Variants in SLC14A2 observed in about 807,000 individuals in gnomAD.
SLC14A2 encodes the protein solute carrier family 14 member 2.
A neutral mutation model predicts 104.6 loss-of-function variants in SLC14A2; 91 were observed. The observed-to-expected ratio is 0.87, with a 90% CI of 0.73 to 1.04. The LOEUF (loss-of-function observed/expected upper bound fraction) is 1.04. Ranked by LOEUF, SLC14A2 falls within the 50% of genes least tolerant of loss-of-function variation. SLC14A2 has a pLI of 0.00. For synonymous variants in SLC14A2, 476 were observed against 466.4 expected (o/e 1.02, Z -0.27); for missense variants, 1,189 against 1,156.0 (o/e 1.03, Z -0.41).
rs1333246508 is a variant in SLC14A2 at position 45,543,530 on chromosome 18, T to C, written c.-35+60208T>C. 4.6e-5 allele frequency among the ~76,000 whole-genome samples: 7 copies of C among 152,198 alleles called. No homozygotes were observed. The South Asian group carries it at 1.0e-3, about 23-fold the overall frequency. On this transcript the variant is annotated intron_variant, in intron 2 of 20. Transcript: ENST00000586448. ...ACCACCAGTGGTATAAGTTTGTCCT[T>C]TGGAAAGTACTGGACTAATGACCTC...
At chr18:45,419,245 C>G (rs532690348) in intron 1 of SLC14A2, among the ~76,000 whole-genome samples, 1 of 152,150 alleles carries the variant, frequency 6.6e-6, no homozygotes, top group African/African-American at 2.4e-5. Flanking sequence ...GTGCCGGGAA[C>G]CCAGGGTTCC....
the SLC14A2 span, among the ~76,000 whole-genome samples, chr18:45,196,510 C>A: frequency 6.6e-6 from 1 of 152,210 alleles, no homozygotes; most frequent in African/African-American, 2.4e-5. Context: ...TGCTGAGGTT[C>A]TTTCTCTAAG....
chr18:45,350,684 G>A (rs937452951), intron 1 of SLC14A2, among the ~76,000 whole-genome samples: 9 of 151,518 alleles, frequency 5.9e-5, no homozygotes, highest in African/African-American at 2.2e-4. Context: ...TTCATCTTTT[G>A]ATTTCTGCCT....
chr18:45,319,631 C>T (rs1028143033), intron 1 of SLC14A2, among the ~76,000 whole-genome samples: 7 of 152,206 alleles, frequency 4.6e-5, no homozygotes, highest in African/African-American at 1.4e-4. Flanking sequence ...ACAGTCTGGG[C>T]TTCTGAAGAC....
At chr18:45,608,004 T>C (rs2044898566) in intron 2 of SLC14A2, among the ~76,000 whole-genome samples, 1 of 152,272 alleles carries the variant, frequency 6.6e-6, no homozygotes. Context: ...CTCCATTCTC[T>C]ACTCCTACCC....
chr18:45,249,995 T>C (rs374142956), intron 1 of SLC14A2, among the ~76,000 whole-genome samples: 77 of 152,156 alleles, frequency 5.1e-4, no homozygotes, highest in African/African-American at 1.8e-3. Context: ...ATCAGAGTCA[T>C]TGACTAAATT....
intron 1 of SLC14A2, among the ~76,000 whole-genome samples, chr18:45,437,834 T>C (rs1446570600): frequency 1.3e-5 from 2 of 152,220 alleles, no homozygotes; most frequent in African/African-American, 4.8e-5. Flanking sequence ...ATAATTAACT[T>C]CTTGGCAGAT....
At chr18:45,304,462 A>G (rs557146159) in intron 1 of SLC14A2, among the ~76,000 whole-genome samples, 4 of 152,338 alleles carry the variant, frequency 2.6e-5, no homozygotes, top group African/African-American at 9.6e-5. Flanking sequence ...AGGGATAGGC[A>G]AGTCTGCACT....
At chr18:45,515,575 A>G (rs72915315) in intron 2 of SLC14A2, 3,029 of 152,332 alleles carry the variant, frequency 0.02, 57 homozygotes, top group Non-Finnish European at 0.028. Context: ...AAAGCTTCAC[A>G]TGGGGATGAA....
chr18:45,644,226 T>C lies in SLC14A2; in HGVS notation c.1351+66T>C, dbSNP rs1172112989. ...CCTGATGTCCTCTCCCTGTGTTCTC[T>C]GCTCTGGTTCAATCAGTTGCAGCAC... is the stretch of plus-strand genomic sequence containing the variant. On this transcript the variant is annotated intron_variant, in intron 10 of 19. Transcript: ENST00000255226. 2.6e-6 allele frequency: 4 copies of C among 1,530,336 alleles called. No individual in the cohort carries two copies. The African/African-American group carries it at 4.1e-5, about 16-fold the overall frequency. The allele number at this position is 1,530,336 out of a possible 1,614,324, so 94.8% of individuals were successfully genotyped here.
upstream of SLC14A2, among the ~76,000 whole-genome samples, chr18:45,610,749 C>T (rs2044959422): frequency 6.6e-6 from 1 of 152,146 alleles, no homozygotes; most frequent in Non-Finnish European, 1.5e-5. Context: ...CTAGTGTGGC[C>T]ACACACATCC....
intron 1 of SLC14A2, among the ~76,000 whole-genome samples, chr18:45,236,597 GTATA>G (rs917668013): frequency 4.7e-5 from 7 of 148,472 alleles, no homozygotes; most frequent in Admixed American, 2.7e-4. Flanking sequence ...ATGGGAAAAA[GTATA>G]TATTCATGTG....
upstream of SLC14A2, among the ~76,000 whole-genome samples, chr18:45,613,384 C>A (rs553358088): frequency 6.6e-6 from 1 of 152,202 alleles, no homozygotes; most frequent in African/African-American, 2.4e-5. Context: ...GATAGTGGGA[C>A]AGTGCTATAA....
intron 1 of SLC14A2, among the ~76,000 whole-genome samples, chr18:45,404,070 A>T (rs1453757384): frequency 6.6e-6 from 1 of 152,204 alleles, no homozygotes; most frequent in African/African-American, 2.4e-5. Flanking sequence ...TAGCTGGTTA[A>T]CTGAGTTTGG....
At chr18:45,330,828 G>C (rs1016407726) in intron 1 of SLC14A2, among the ~76,000 whole-genome samples, 4 of 152,224 alleles carry the variant, frequency 2.6e-5, no homozygotes, top group Non-Finnish European at 4.4e-5. Context: ...TCACTAGCTA[G>C]AGAAGCCGTT....
rs559145228 is a variant in SLC14A2, at chr18:45,604,982, G to A, written c.-34-19649G>A. On this transcript the variant is annotated intron_variant, in intron 2 of 20. Coordinates refer to the SLC14A2 transcript ENST00000586448. ...CTATTAGTCTTCTTTGCAAGACTCT[G>A]ATTAATATGAGTGTCAATTTTGTGT... 7.9e-5 allele frequency among the ~76,000 whole-genome samples: 12 copies of A among 152,244 alleles called. No homozygotes were observed. In the East Asian group the frequency reaches 2.1e-3, roughly 27 times the overall value.
chr18:45,331,683 T>G (rs1164678616), intron 1 of SLC14A2, among the ~76,000 whole-genome samples: 1 of 144,864 alleles, frequency 6.9e-6, no homozygotes, highest in Non-Finnish European at 1.5e-5. Context: ...AGAGCGAGAC[T>G]CCGTCTCAAA....
At chr18:45,632,019 A>G (rs148374727) in intron 4 of SLC14A2, among the ~76,000 whole-genome samples, 2 of 152,026 alleles carry the variant, frequency 1.3e-5, no homozygotes, top group East Asian at 3.9e-4. Flanking sequence ...GTCACACCTC[A>G]GGTTTCTATT....
At position 45,342,085 on chromosome 18, in the gene SLC14A2, T is replaced by TA. The variant is rs138859205; in HGVS notation, c.-125+128899dup. Among the ~76,000 whole-genome samples the TA allele has an allele frequency of 9.6e-3, 1,465 of 152,312 alleles. 28 individuals are homozygous for TA. Among genetic ancestry groups the TA allele is most frequent in the African/African-American group, 0.033 (1,388 of 41,574 alleles). On this transcript the variant is annotated intron_variant, in intron 1 of 20. Transcript: ENST00000586448. ...ACAAGGTTATGTATTGATTGGTTGA[T>TA]AAAAATACTGTGACCAGAGGCTTAC...
Sources: allele counts gnomAD v4.1 joint callset (sites outside exome capture counted in the v4.1 genomes callset), GRCh38; gene constraint gnomAD v4.1.1; transcripts MANE v1.5; gene names NCBI Gene and HGNC (gene_info 2026-07-23, HGNC 2026-07-21).